Variants in PAM observed in about 807,000 individuals in gnomAD.
PAM encodes peptidyl-glycine alpha-amidating monooxygenase.
A neutral mutation model predicts 122.1 loss-of-function variants in PAM; 72 were observed. That is an observed-to-expected ratio of 0.59 (90% confidence interval 0.49 to 0.72). PAM has a LOEUF of 0.72. Ranked by LOEUF, PAM falls within the 30% of genes least tolerant of loss-of-function variation. PAM has a pLI of 0.00. For synonymous variants in PAM, 389 were observed against 404.4 expected (o/e 0.96, Z 0.46); for missense variants, 1,106 against 1,183.7 (o/e 0.93, Z 0.96).
intron 1 of PAM, among the ~76,000 whole-genome samples, chr5:102,779,864 A>G (rs111575560): frequency 1.4e-5 from 2 of 139,988 alleles, no homozygotes; most frequent in African/African-American, 5.3e-5. Flanking sequence ...ATGTAAGTTA[A>G]TACTTAATAA....
chr5:103,030,094 G>A (rs1239867021), downstream of PAM: 2 of 152,054 alleles, frequency 1.3e-5, no homozygotes, highest in Non-Finnish European at 2.9e-5. Flanking sequence ...TTCAGGGCAG[G>A]TACAGTGGCT....
chr5:102,951,398 T>C (rs1758838152), intron 12 of PAM, among the ~76,000 whole-genome samples: 1 of 152,014 alleles, frequency 6.6e-6, no homozygotes, highest in Admixed American at 6.6e-5. Flanking sequence ...CTATGAACTC[T>C]TTCAAAAAAA....
intron 5 of PAM, among the ~76,000 whole-genome samples, chr5:102,918,341 T>G (rs1347887610): frequency 6.6e-6 from 1 of 152,114 alleles, no homozygotes; most frequent in African/African-American, 2.4e-5. Context: ...ATAGACTTAA[T>G]TCAAAGCATG....
intron 1 of PAM, among the ~76,000 whole-genome samples, chr5:102,815,266 A>G (rs534585259): frequency 6.6e-6 from 1 of 152,258 alleles, no homozygotes; most frequent in East Asian, 1.9e-4. Flanking sequence ...CGAAGAAAGT[A>G]AAGATAGAAA....
intron 1 of PAM, among the ~76,000 whole-genome samples, chr5:102,857,890 C>A (rs74939040): frequency 0.021 from 3,195 of 152,228 alleles, 53 homozygotes; most frequent in African/African-American, 0.051. Context: ...AAGAAAATAT[C>A]CCCAATAAAT....
rs778992360 is a variant in PAM, at chr5:103,029,043, C to T, written c.2900C>T (p.Ala967Val). 22 of 1,606,714 alleles carry T rather than the reference C, an allele frequency of 1.4e-5. No individual in the cohort carries two copies. The Admixed American group carries it at 1.4e-4, about 10-fold the overall frequency. The change falls in exon 26 of 26, where the codon GCG becomes GTG. Residue 967 changes from alanine (A) to valine (V), a missense_variant. Ala to Val is a moderately conservative substitution (Grantham distance 64, BLOSUM62 0). Around this residue, in one of 3 missense-constraint regions of PAM, gnomAD observed 333 missense variants for 335.6 expected, o/e 0.99. Coordinates refer to ENST00000438793, the MANE Select transcript of PAM (RefSeq NM_001177306.2). Reference protein sequence around the residue: ...SEEEYSAPLPALAPSSS With the variant: ...SEEEYSAPLPVLAPSSS ...GAGGAGTATTCAGCACCTCTGCCTG[C>T]GCTCGCACCTTCCTCCTCCTGAAAA...
chr5:102,978,195 ATAAGT>A (rs1378811744), intron 15 of PAM, among the ~76,000 whole-genome samples: 2 of 152,300 alleles, frequency 1.3e-5, no homozygotes, highest in Non-Finnish European at 2.9e-5. Context: ...CTCTAAGTTG[ATAAGT>A]TAAGAAAAAA....
At position 102,979,144 on chromosome 5, in the gene PAM, A is replaced by AT. The variant is rs1412384921; in HGVS notation, c.1483+4710dup. Among the ~76,000 whole-genome samples the AT allele has an allele frequency of 2.5e-3, 388 of 152,168 alleles. 3 individuals are homozygous for AT. Among genetic ancestry groups the AT allele is most frequent in the Non-Finnish European group, 4.1e-3 (277 of 67,982 alleles). On this transcript the variant is annotated intron_variant, in intron 15 of 25. Coordinates refer to ENST00000438793, the MANE Select transcript of PAM (RefSeq NM_001177306.2). ...AGTCATCTGATTATCTCAGGCTACA[A>AT]TTGTAATAACTATAGGTATTATAGG...
intron 1 of PAM, among the ~76,000 whole-genome samples, chr5:102,802,833 C>T (rs980836775): frequency 6.6e-6 from 1 of 152,096 alleles, no homozygotes; most frequent in African/African-American, 2.4e-5. Flanking sequence ...TATGCATTAT[C>T]TTTATCTTCA....
At chr5:102,942,398 A>T (rs1336236118) in intron 7 of PAM, among the ~76,000 whole-genome samples, 3 of 152,010 alleles carry the variant, frequency 2.0e-5, no homozygotes, top group Non-Finnish European at 4.4e-5. Context: ...TACAACATCT[A>T]TGTATGTGTA....
intron 6 of PAM, 118 bp from the exon 7 acceptor site, chr5:102,926,467 T>C (rs1749594519): frequency 1.6e-6 from 1 of 634,756 alleles, no homozygotes; most frequent in Non-Finnish European, 2.8e-6. Flanking sequence ...TGTTTTCATA[T>C]AATATAATTT....
chr5:102,845,068 G>C (rs1428381483), intron 1 of PAM, among the ~76,000 whole-genome samples: 1 of 152,238 alleles, frequency 6.6e-6, no homozygotes, highest in African/African-American at 2.4e-5. Context: ...TCCTCGTTCA[G>C]TCTTGAGTAG....
At chr5:103,017,471 C>A in intron 22 of PAM, 38 bp downstream of exon 22, 1 of 1,235,654 alleles carries the variant, frequency 8.1e-7, no homozygotes, top group Non-Finnish European at 1.2e-6. Context: ...CATTTTCCCT[C>A]AGTTTGATTG....
intron 5 of PAM, among the ~76,000 whole-genome samples, chr5:102,919,005 C>T (rs1746425440): frequency 6.6e-6 from 1 of 151,866 alleles, no homozygotes; most frequent in Non-Finnish European, 1.5e-5. Context: ...CTTAACAAAC[C>T]AAAGATGGCT....
chr5:102,957,977 C>G (rs190553975), intron 12 of PAM, among the ~76,000 whole-genome samples: 2 of 152,258 alleles, frequency 1.3e-5, no homozygotes, highest in Non-Finnish European at 2.9e-5. Context: ...CATATAATAG[C>G]TCACAGAATA....
chr5:102,893,105 A>T (rs1187079738), intron 3 of PAM, among the ~76,000 whole-genome samples: 2 of 151,772 alleles, frequency 1.3e-5, no homozygotes, highest in East Asian at 3.9e-4. Context: ...TTAGTAAGCT[A>T]TACCTCCTCT....
At chr5:102,953,390 G>A (rs1439990532) in intron 12 of PAM, among the ~76,000 whole-genome samples, 1 of 152,146 alleles carries the variant, frequency 6.6e-6, no homozygotes, top group Admixed American at 6.6e-5. Context: ...AGGAGGGGGG[G>A]GAATCCTGTC....
At chr5:102,787,220 A>C (rs1418168328) in intron 1 of PAM, among the ~76,000 whole-genome samples, 1 of 152,116 alleles carries the variant, frequency 6.6e-6, no homozygotes, top group Non-Finnish European at 1.5e-5. Flanking sequence ...GGGAGCTGGC[A>C]GAAGAAGAAT....
chr5:102,900,684 A>C (rs766379656), intron 3 of PAM, among the ~76,000 whole-genome samples: 1 of 151,634 alleles, frequency 6.6e-6, no homozygotes, highest in Non-Finnish European at 1.5e-5. Context: ...TTTATTGTGT[A>C]TGGATTTCCA....
Sources: allele counts gnomAD v4.1 joint callset (sites outside exome capture counted in the v4.1 genomes callset), GRCh38; gene constraint gnomAD v4.1.1; regional missense constraint gnomAD v4.1.1; transcripts MANE v1.5; gene names NCBI Gene and HGNC (gene_info 2026-07-23, HGNC 2026-07-21).